Variants in LAMA4 observed in about 807,000 individuals in gnomAD.
The protein encoded by LAMA4 is laminin subunit alpha-4.
Under a neutral mutation model 207.1 loss-of-function variants are expected in LAMA4, and 127 were observed. The observed-to-expected ratio is 0.61, with a 90% CI of 0.53 to 0.71. The LOEUF (loss-of-function observed/expected upper bound fraction) is 0.71, where lower values mean the gene tolerates loss of function less well. Ranked by LOEUF, LAMA4 falls within the 30% of genes least tolerant of loss-of-function variation. LAMA4 has a pLI of 0.00. For missense variants in LAMA4, 2,093 were observed against 2,246.5 expected, an observed-to-expected ratio of 0.93 and a Z score of 1.38; for synonymous variants, 761 against 816.0, an observed-to-expected ratio of 0.93 and a Z score of 1.15.
At chr6:112,136,525 C>T (rs930713063) in intron 24 of LAMA4, among the ~76,000 whole-genome samples, 1 of 151,968 alleles carries the variant, frequency 6.6e-6, no homozygotes, top group African/African-American at 2.4e-5. Context: ...AACCTTATCT[C>T]TACTAAAAAT....
chr6:112,201,906 C>CTA (rs1554352608), intron 4 of LAMA4, among the ~76,000 whole-genome samples: 1 of 152,022 alleles, frequency 6.6e-6, no homozygotes, highest in African/African-American at 2.4e-5. Flanking sequence ...TTCCCAGGTC[C>CTA]TATATATATA....
At chr6:112,179,229 G>A (rs1213664155) in intron 9 of LAMA4, 1 of 152,160 alleles carries the variant, frequency 6.6e-6, no homozygotes, top group African/African-American at 2.4e-5. Context: ...CAACTCAAAT[G>A]TGGCCTCTGA....
chr6:112,206,268 T>A (rs1362619551), intron 4 of LAMA4, among the ~76,000 whole-genome samples: 1 of 152,192 alleles, frequency 6.6e-6, no homozygotes, highest in Non-Finnish European at 1.5e-5. Flanking sequence ...AACTGATCTC[T>A]TAATCTGTGG....
At position 112,134,465 on chromosome 6, in the gene LAMA4, A is replaced by T; in HGVS notation, c.3557+2T>A. 1 of 1,613,400 alleles carries T rather than the reference A, an allele frequency of 6.2e-7. No individual in the cohort carries two copies. Among genetic ancestry groups the T allele is most frequent in the Non-Finnish European group, 8.5e-7 (1 of 1,179,534 alleles). On this transcript the variant is annotated splice_donor_variant, in intron 26 of 38. Coordinates refer to ENST00000230538, the MANE Select transcript of LAMA4 (RefSeq NM_001105206.3). LOFTEE classifies it high-confidence loss of function. ...AAACAGCTACTTAACAAAAAGCCTT[A>T]CCTGGATTGTAAGATTTCTGGAGGA...
intron 8 of LAMA4, chr6:112,187,168 C>G: frequency 2.0e-6 from 1 of 509,386 alleles, no homozygotes. Flanking sequence ...TTTCTCTTTC[C>G]TCAGTAGTTT....
At chr6:112,121,439 T>G (rs1450329097) in intron 32 of LAMA4, among the ~76,000 whole-genome samples, 1 of 152,252 alleles carries the variant, frequency 6.6e-6, no homozygotes, top group Non-Finnish European at 1.5e-5. Flanking sequence ...TTGAATACTT[T>G]GCCTCTATGA....
intron 3 of LAMA4, among the ~76,000 whole-genome samples, chr6:112,207,725 G>A (rs1450541738): frequency 6.7e-6 from 1 of 149,940 alleles, no homozygotes; most frequent in Non-Finnish European, 1.5e-5. Flanking sequence ...TTTTTTTTTT[G>A]TATGATTTTC....
intron 33 of LAMA4, 38 bp downstream of exon 33, chr6:112,120,245 C>A: frequency 6.5e-7 from 1 of 1,540,268 alleles, no homozygotes; most frequent in Non-Finnish European, 9.0e-7. Context: ...ACAATGGTAG[C>A]TATTTGCTGG....
intron 19 of LAMA4, 62 bp from the exon 20 acceptor site, chr6:112,142,354 T>C (rs782160566): frequency 1.1e-5 from 17 of 1,492,792 alleles, no homozygotes; most frequent in Non-Finnish European, 1.6e-5. Flanking sequence ...TGCTTTCCCG[T>C]GCTTCCCTCA....
intron 2 of LAMA4, among the ~76,000 whole-genome samples, chr6:112,223,637 A>T (rs1785043046): frequency 6.6e-6 from 1 of 152,200 alleles, no homozygotes; most frequent in Admixed American, 6.5e-5. Flanking sequence ...GGGTTGTTTC[A>T]TCAGCGTCCA....
At position 112,154,930 on chromosome 6, in the gene LAMA4, A is replaced by G. The variant is rs1554336547; in HGVS notation, c.1977T>C (p.Asp659=). 4 of 1,612,166 alleles carry G rather than the reference A, an allele frequency of 2.5e-6. No individual in the cohort carries two copies. Residue 659 remains aspartate (D), a synonymous_variant, in exon 16 of 39, where the codon GAT becomes GAC. Coordinates refer to ENST00000230538, the MANE Select transcript of LAMA4 (RefSeq NM_001105206.3). ...CATCTTTATGGTAAATGATTTGAGTATCAATCCCACTCACCGCCTACAAAG... is the reference window on the plus strand; with the variant it reads ...CATCTTTATGGTAAATGATTTGAGTGTCAATCCCACTCACCGCCTACAAAG... ...DRIYDAVSGI[D]TQIIYHKDES...
At chr6:112,241,118 T>TATATATGAATATATATATTC (rs1562101779) in intron 2 of LAMA4, among the ~76,000 whole-genome samples, 1 of 102,492 alleles carries the variant, frequency 9.8e-6, no homozygotes, top group Non-Finnish European at 2.1e-5. Flanking sequence ...TATATATGAA[T>TATATATGAATATATATATTC]ATATATATGA....
At chr6:112,202,249 A>G (rs139881051) in intron 4 of LAMA4, among the ~76,000 whole-genome samples, 1 of 152,338 alleles carries the variant, frequency 6.6e-6, no homozygotes, top group African/African-American at 2.4e-5. Context: ...ATTTTATCCC[A>G]TGGAACCCTC....
intron 14 of LAMA4, among the ~76,000 whole-genome samples, chr6:112,156,879 A>T (rs1780746984): frequency 1.3e-5 from 2 of 150,108 alleles, no homozygotes; most frequent in Admixed American, 1.3e-4. Flanking sequence ...TAATCATTCT[A>T]CCCCCTCTAC....
At position 112,150,756 on chromosome 6, in the gene LAMA4, T is replaced by C. The variant is rs76951179; in HGVS notation, c.2057-129A>G. ...AGTATTTGCAGTATTCTGAATACTC[T>C]GAACATAGATCAACAATTCTGGAAA... On this transcript the variant is annotated intron_variant, in intron 16 of 38. Coordinates refer to ENST00000230538, the MANE Select transcript of LAMA4 (RefSeq NM_001105206.3). The C allele has an allele frequency of 0.038, 28,550 of 743,988 alleles. 1,364 individuals are homozygous for C. The highest frequency in any genetic ancestry group is 0.18 in the Admixed American group (9,694 of 53,648). 46.1% of individuals were successfully genotyped at this position (743,988 alleles called of 1,614,324 possible). A position where few individuals can be genotyped will look rare whatever the true frequency, so the allele number is the denominator to read the frequency against.
rs34737104 is a variant in LAMA4 at position 112,172,572 on chromosome 6, C to T, written c.1551+39G>A. ...CCCTTCTTGGTGTACCATCACACTG[C>T]TGATGCTGAAATGCATTGATGGTGA... On this transcript the variant is annotated intron_variant, in intron 12 of 38. Coordinates refer to ENST00000230538, the MANE Select transcript of LAMA4 (RefSeq NM_001105206.3). The T allele has an allele frequency of 4.2e-3, 6,707 of 1,591,482 alleles. 18 individuals carry two copies. Among genetic ancestry groups the T allele is most frequent in the Non-Finnish European group, 5.3e-3 (6,097 of 1,161,164 alleles).
At position 112,117,977 on chromosome 6, in the gene LAMA4, G is replaced by T; in HGVS notation, c.4822-79C>A. 1 of 1,200,964 alleles carries T rather than the reference G, an allele frequency of 8.3e-7. No homozygotes were observed. The highest frequency in any genetic ancestry group is 1.2e-6 in the Non-Finnish European group (1 of 810,118). 74.4% of individuals were successfully genotyped at this position (1,200,964 alleles called of 1,614,324 possible). A position where few individuals can be genotyped will look rare whatever the true frequency, so the allele number is the denominator to read the frequency against. On this transcript the variant is annotated intron_variant, in intron 34 of 38. Coordinates refer to ENST00000230538, the MANE Select transcript of LAMA4 (RefSeq NM_001105206.3). This position sits in a 1 kb window ranked among gnomAD's most constrained non-coding sequence, Gnocchi z 4.5. Reference sequence around the variant, plus strand: ...GGGGAAGCAAAATGAGGGGGTTTGAGTCCTGAAGGAACCCACGTAATTCCT... The same window carrying T: ...GGGGAAGCAAAATGAGGGGGTTTGATTCCTGAAGGAACCCACGTAATTCCT...
chr6:112,165,474 CA>C (rs1247367498), intron 12 of LAMA4, among the ~76,000 whole-genome samples, 198 bp from the exon 13 acceptor site: 1 of 152,160 alleles, frequency 6.6e-6, no homozygotes, highest in Non-Finnish European at 1.5e-5. Context: ...GAGATAACAA[CA>C]GTAAGAATCT....
intron 6 of LAMA4, 53 bp downstream of exon 6, chr6:112,191,583 T>A (rs1366733320): frequency 7.7e-7 from 1 of 1,298,132 alleles, no homozygotes; most frequent in East Asian, 2.3e-5. Context: ...AATTCAGTAT[T>A]GGCAGAGGGT....
Sources: allele counts gnomAD v4.1 joint callset (sites outside exome capture counted in the v4.1 genomes callset), GRCh38; gene constraint gnomAD v4.1.1; non-coding constraint Gnocchi (gnomAD v3.1); transcripts MANE v1.5; gene names NCBI Gene and HGNC (gene_info 2026-07-23, HGNC 2026-07-21).